The following NRG3 variants were observed in gnomAD, a reference collection of about 807,000 sequenced individuals.
NRG3 encodes neuregulin 3, also known as pro-neuregulin-3, membrane-bound isoform.
In NRG3, 31 loss-of-function variants were observed where a neutral mutation model predicts 66.9. That is an observed-to-expected ratio of 0.46 (90% CI 0.35 to 0.63). NRG3 has a LOEUF of 0.63. NRG3 is among the 20% of genes least tolerant of loss of function. NRG3 has a pLI of 0.00. For missense variants in NRG3, 910 were observed against 878.9 expected (o/e 1.04, Z -0.45); for synonymous variants, 393 against 359.4 (o/e 1.09, Z -1.06).
At chr10:82,736,283 T>G (rs2058149670) in intron 2 of NRG3, among the ~76,000 whole-genome samples, 1 of 152,240 alleles carries the variant, frequency 6.6e-6, no homozygotes, top group Non-Finnish European at 1.5e-5. Context: ...GCTTCTTGTC[T>G]TTAATATTGT....
intron 4 of NRG3, among the ~76,000 whole-genome samples, chr10:82,920,437 T>C (rs1564631547): frequency 6.6e-6 from 1 of 152,106 alleles, no homozygotes; most frequent in Non-Finnish European, 1.5e-5. Context: ...TAGATCGACA[T>C]ATATATCAAT....
chr10:82,698,088 T>C (rs1479504630), intron 2 of NRG3, among the ~76,000 whole-genome samples: 1 of 152,192 alleles, frequency 6.6e-6, no homozygotes, highest in Admixed American at 6.6e-5. Context: ...TATTATCTAA[T>C]AACCTCCTAG....
chr10:82,838,771 G>T (rs1209361374), intron 3 of NRG3, among the ~76,000 whole-genome samples: 1 of 151,990 alleles, frequency 6.6e-6, no homozygotes, highest in African/African-American at 2.4e-5. Flanking sequence ...TACATACTCT[G>T]CTTTATAGCT....
chr10:82,732,162 A>T (rs1038302370), intron 2 of NRG3, among the ~76,000 whole-genome samples: 6 of 152,170 alleles, frequency 3.9e-5, no homozygotes, highest in African/African-American at 1.2e-4. Context: ...AAGAAATGTC[A>T]TTATCATTCT....
intron 4 of NRG3, among the ~76,000 whole-genome samples, chr10:82,901,107 G>A (rs73311303): frequency 0.039 from 5,987 of 152,248 alleles, 136 homozygotes; most frequent in Middle Eastern, 0.1. Flanking sequence ...ATGTCCGTTT[G>A]AACTGATTTT....
intron 1 of NRG3, among the ~76,000 whole-genome samples, chr10:82,051,142 A>G (rs2063573133): frequency 6.6e-6 from 1 of 152,128 alleles, no homozygotes; most frequent in African/African-American, 2.4e-5. Flanking sequence ...TTTTACTACC[A>G]GCAAACTATA....
At position 82,723,441 on chromosome 10, in the gene NRG3, G is replaced by A. The variant is rs993187406; in HGVS notation, c.954-15136G>A. Among the ~76,000 whole-genome samples, 7 of 152,172 alleles carry A rather than the reference G, an allele frequency of 4.6e-5. 1 individual carries two copies. Among genetic ancestry groups the A allele is most frequent in the South Asian group, 4.2e-4 (2 of 4,812 alleles). The stretch of plus-strand genomic sequence containing the variant: ...CATGCAAAATACCCATGTTACAAAC[G>A]TGCATATGTACACCCTGAATCTAAA... On this transcript the variant is annotated intron_variant, in intron 2 of 8. Coordinates refer to ENST00000372141, the MANE Select transcript of NRG3 (RefSeq NM_001010848.4).
Position 81,875,427 on chromosome 10 carries a change from GGCGGCGGCA to G in NRG3, c.95_103del (p.Ala32_Ala34del). On this transcript the variant is annotated inframe_deletion, in exon 1 of 9. Transcript: ENST00000372141. This position sits in a 1 kb window ranked among gnomAD's most constrained non-coding sequence, Gnocchi z 5.3. Reference sequence around the variant, plus strand: ...CCGAGGAGGGCACCGCGGCGGCTGCGGCGGCGGCAGCGGCGGGCGGGGGCCCGGACGGCG... The same window carrying G: ...CCGAGGAGGGCACCGCGGCGGCTGCGGCGGCGGGCGGGGGCCCGGACGGCG... 2.7e-6 allele frequency: 3 copies of G among 1,108,528 alleles called. No individual in the cohort carries two copies. The highest frequency in any genetic ancestry group is 3.3e-6 in the Non-Finnish European group (3 of 910,316). The allele number at this position is 1,108,528 out of a possible 1,614,324, so 68.7% of individuals were successfully genotyped here.
chr10:82,023,041 G>A (rs996819147), intron 1 of NRG3, among the ~76,000 whole-genome samples: 1 of 151,304 alleles, frequency 6.6e-6, no homozygotes, highest in African/African-American at 2.4e-5. Flanking sequence ...CTTTCTTTGG[G>A]TTGGGAACAT....
intron 3 of NRG3, among the ~76,000 whole-genome samples, chr10:82,752,267 AGC>A (rs2058896931): frequency 6.6e-6 from 1 of 152,186 alleles, no homozygotes. Context: ...AGTATCAAAC[AGC>A]ATAAAGAGGT....
rs191741206 is a variant in NRG3, at chr10:82,061,283, G to A, written c.823+185120G>A. ...GAAGAATCCCTTCAGCTCAGGAGGC[G>A]GAGGTTGCGGTGAGCCAAGACTGCG... On this transcript the variant is annotated intron_variant, in intron 1 of 8. Coordinates refer to ENST00000372141, the MANE Select transcript of NRG3 (RefSeq NM_001010848.4). 3.6e-3 allele frequency among the ~76,000 whole-genome samples: 552 copies of A among 152,270 alleles called. 3 individuals are homozygous for A. The highest frequency in any genetic ancestry group is 0.013 in the African/African-American group (533 of 41,560).
intron 1 of NRG3, among the ~76,000 whole-genome samples, chr10:82,263,488 A>G (rs577694536): frequency 1.3e-5 from 2 of 152,310 alleles, no homozygotes; most frequent in African/African-American, 4.8e-5. Context: ...TGCTCCTACC[A>G]TTTATAAGCA....
intron 1 of NRG3, among the ~76,000 whole-genome samples, chr10:81,895,925 A>G (rs975618650): frequency 2.0e-5 from 3 of 152,144 alleles, no homozygotes; most frequent in African/African-American, 7.2e-5. Context: ...ATATGTGGGA[A>G]CTGGGGGCAC....
intron 2 of NRG3, among the ~76,000 whole-genome samples, chr10:82,656,134 T>C (rs1252865072): frequency 6.6e-6 from 1 of 152,182 alleles, no homozygotes; most frequent in African/African-American, 2.4e-5. Context: ...CAAGTTCATG[T>C]ATTACTTTTC....
chr10:81,976,500 T>C (rs1205766156), intron 1 of NRG3, among the ~76,000 whole-genome samples: 1 of 152,224 alleles, frequency 6.6e-6, no homozygotes. Context: ...GGAAAATGTT[T>C]ACATTTCCTA....
At chr10:82,203,572 T>G (rs2074960805) in intron 1 of NRG3, among the ~76,000 whole-genome samples, 1 of 152,146 alleles carries the variant, frequency 6.6e-6, no homozygotes, top group Non-Finnish European at 1.5e-5. Context: ...GTCTGGAAAT[T>G]AAAGGCATAT....
chr10:82,502,550 T>C (rs1844294136), intron 2 of NRG3, among the ~76,000 whole-genome samples: 1 of 152,212 alleles, frequency 6.6e-6, no homozygotes, highest in Non-Finnish European at 1.5e-5. Flanking sequence ...TGAAAACTTC[T>C]AAGAAAAGGT....
At chr10:82,694,847 A>G (rs1218118778) in intron 2 of NRG3, among the ~76,000 whole-genome samples, 1 of 152,214 alleles carries the variant, frequency 6.6e-6, no homozygotes, top group East Asian at 1.9e-4. Context: ...TATGAGGAAC[A>G]TATGTCTGTA....
chr10:82,100,033 G>A (rs552981548), intron 1 of NRG3, among the ~76,000 whole-genome samples: 7 of 150,972 alleles, frequency 4.6e-5, no homozygotes, highest in South Asian at 2.1e-4. Flanking sequence ...ATTGTCTCCT[G>A]TTCTATGAAG....
Sources: allele counts gnomAD v4.1 joint callset (sites outside exome capture counted in the v4.1 genomes callset), GRCh38; gene constraint gnomAD v4.1.1; non-coding constraint Gnocchi (gnomAD v3.1); transcripts MANE v1.5; gene names NCBI Gene and HGNC (gene_info 2026-07-23, HGNC 2026-07-21).